Variants in RERG observed in about 807,000 individuals in gnomAD.
RERG encodes the protein ras-related and estrogen-regulated growth inhibitor.
Under a neutral mutation model 23.2 loss-of-function variants are expected in RERG, and 25 were observed. That is an observed-to-expected ratio of 1.08 (90% CI 0.79 to 1.50). The LOEUF (loss-of-function observed/expected upper bound fraction) is 1.50, where lower values mean the gene tolerates loss of function less well. Ranked by LOEUF, RERG falls within the 40% of genes most tolerant of loss-of-function variation. The probability of loss-of-function intolerance (pLI) is 0.00; values close to 1 mark genes in which losing one functional copy is unlikely to be tolerated. For synonymous variants in RERG, 81 were observed against 89.1 expected (o/e 0.91, Z 0.51); for missense variants, 253 against 250.1 (o/e 1.01, Z -0.08).
In RERG at chr12:15,179,485, AC is replaced by A; in HGVS notation, c.61+37943del. On this transcript the variant is annotated intron_variant, in intron 2 of 4. Coordinates refer to ENST00000256953, the MANE Select transcript of RERG (RefSeq NM_032918.3). The stretch of plus-strand genomic sequence containing the variant: ...TGTACCTGCTGGAAGGCAATCTCCC[AC>A]CCCACAGTGCTGCAATCAAATGTAT... Among the ~76,000 whole-genome samples, 4 of 152,170 alleles carry A rather than the reference AC, an allele frequency of 2.6e-5. 1 individual carries two copies. The highest frequency in any genetic ancestry group is 2.6e-4 in the Admixed American group (4 of 15,262).
intron 2 of RERG, among the ~76,000 whole-genome samples, chr12:15,201,978 T>C (rs1467071306): frequency 4.6e-5 from 7 of 151,684 alleles, no homozygotes; most frequent in Admixed American, 2.0e-4. Flanking sequence ...CTGTAAGGTA[T>C]TAAAAGGACC....
At chr12:15,117,991 C>T (rs1347104711) in intron 3 of RERG, among the ~76,000 whole-genome samples, 1 of 152,080 alleles carries the variant, frequency 6.6e-6, no homozygotes, top group Admixed American at 6.5e-5. Flanking sequence ...CACCGATCCA[C>T]AGTATAATAA....
At chr12:15,177,998 T>A (rs1864875550) in intron 2 of RERG, among the ~76,000 whole-genome samples, 1 of 152,064 alleles carries the variant, frequency 6.6e-6, no homozygotes, top group Non-Finnish European at 1.5e-5. Flanking sequence ...AATTTTATAA[T>A]CCCTAGATCT....
chr12:15,218,832 T>C (rs1468068983), intron 1 of RERG, among the ~76,000 whole-genome samples: 1 of 151,992 alleles, frequency 6.6e-6, no homozygotes, highest in Non-Finnish European at 1.5e-5. Flanking sequence ...TGACCTTCAC[T>C]CCCTTTTTCA....
At chr12:15,126,400 A>G (rs1320589017) in intron 2 of RERG, among the ~76,000 whole-genome samples, 1 of 151,966 alleles carries the variant, frequency 6.6e-6, no homozygotes, top group Non-Finnish European at 1.5e-5. Flanking sequence ...ATGTGCTAAC[A>G]CACATACATA....
At chr12:15,134,411 C>T (rs759284550) in intron 2 of RERG, among the ~76,000 whole-genome samples, 3 of 151,990 alleles carry the variant, frequency 2.0e-5, no homozygotes, top group Non-Finnish European at 2.9e-5. Flanking sequence ...TTTACCAAAG[C>T]TGACATTATT....
chr12:15,186,224 A>T (rs973482816), intron 2 of RERG, among the ~76,000 whole-genome samples: 1 of 151,556 alleles, frequency 6.6e-6, no homozygotes, highest in African/African-American at 2.4e-5. Context: ...AATTATATTT[A>T]AAAATACATT....
At chr12:15,187,849 G>A (rs185122900) in intron 2 of RERG, among the ~76,000 whole-genome samples, 14 of 152,118 alleles carry the variant, frequency 9.2e-5, no homozygotes, top group East Asian at 1.9e-4. Context: ...GTGAACCACC[G>A]TGCCTGGCTG....
chr12:15,123,755 CA>C (rs1863884710), intron 2 of RERG, among the ~76,000 whole-genome samples: 1 of 151,780 alleles, frequency 6.6e-6, no homozygotes, highest in Non-Finnish European at 1.5e-5. Flanking sequence ...CTCTCCATCC[CA>C]ACTATCTTGA....
intron 2 of RERG, among the ~76,000 whole-genome samples, chr12:15,166,774 C>A (rs1193228109): frequency 6.7e-6 from 1 of 150,048 alleles, no homozygotes; most frequent in Non-Finnish European, 1.5e-5. Context: ...TGGACTAGAT[C>A]ACTTTTTTTT....
At chr12:15,143,347 CAT>C (rs548566586) in intron 2 of RERG, among the ~76,000 whole-genome samples, 909 of 20,186 alleles carry the variant, frequency 0.045, 10 homozygotes, top group African/African-American at 0.12. Flanking sequence ...TACATACACA[CAT>C]GTGTGTATGT....
At chr12:15,201,621 T>C (rs11056398) in intron 2 of RERG, among the ~76,000 whole-genome samples, 2,663 of 149,110 alleles carry the variant, frequency 0.018, 33 homozygotes, top group Middle Eastern at 0.035. Context: ...AATTAGCTAA[T>C]ATTAATTATT....
intron 3 of RERG, among the ~76,000 whole-genome samples, chr12:15,117,927 T>C (rs1863759185): frequency 6.6e-6 from 1 of 152,134 alleles, no homozygotes; most frequent in African/African-American, 2.4e-5. Context: ...GCTTCAGTGG[T>C]GGTTTTCAAA....
intron 2 of RERG, among the ~76,000 whole-genome samples, chr12:15,148,959 C>T (rs1247156724): frequency 7.0e-6 from 1 of 142,334 alleles, no homozygotes; most frequent in Non-Finnish European, 1.5e-5. Context: ...ACCTCCGCCT[C>T]CTGGGTTCAT....
chr12:15,160,797 G>T (rs1294356078), intron 2 of RERG, among the ~76,000 whole-genome samples: 1 of 152,046 alleles, frequency 6.6e-6, no homozygotes, highest in Non-Finnish European at 1.5e-5. Context: ...ATACATCAGG[G>T]TTTGCTCAAT....
At chr12:15,210,343 A>T (rs1175792792) in intron 2 of RERG, among the ~76,000 whole-genome samples, 2 of 152,374 alleles carry the variant, frequency 1.3e-5, no homozygotes, top group African/African-American at 4.8e-5. Flanking sequence ...CCATTAGTTT[A>T]AAATAAAGGA....
At chr12:15,215,022 T>C (rs1371203508) in intron 2 of RERG, among the ~76,000 whole-genome samples, 2 of 152,332 alleles carry the variant, frequency 1.3e-5, no homozygotes, top group South Asian at 2.1e-4. Flanking sequence ...TGTCTGTTTA[T>C]AGATGACAGA....
intron 2 of RERG, among the ~76,000 whole-genome samples, chr12:15,159,749 G>A (rs1000621993): frequency 1.3e-5 from 2 of 152,170 alleles, no homozygotes; most frequent in Non-Finnish European, 2.9e-5. Flanking sequence ...GTGTGAACCC[G>A]GGAGGCGTAG....
At chr12:15,183,771 G>C (rs185730730) in intron 2 of RERG, among the ~76,000 whole-genome samples, 99 of 152,222 alleles carry the variant, frequency 6.5e-4, no homozygotes, top group Non-Finnish European at 1.2e-3. Context: ...ACAGACCCAT[G>C]AATAGTGTGG....
Sources: allele counts gnomAD v4.1 joint callset (sites outside exome capture counted in the v4.1 genomes callset), GRCh38; gene constraint gnomAD v4.1.1; transcripts MANE v1.5; gene names NCBI Gene and HGNC (gene_info 2026-07-23, HGNC 2026-07-21).